LIPC: variants seen among roughly 807,000 people sequenced by gnomAD.
The protein encoded by LIPC is hepatic triacylglycerol lipase.
LIPC carries 44 observed loss-of-function variants against 50.7 expected under a neutral mutation model. The ratio of observed to expected loss-of-function variants is 0.87; its 90% CI spans 0.68 to 1.11. The LOEUF is 1.11. Among genes scored for constraint, LIPC ranks in the 50% most tolerant of loss-of-function variants. LIPC has a pLI of 0.00. For synonymous variants in LIPC, 271 were observed against 256.4 expected (o/e 1.06, Z -0.54); for missense variants, 697 against 648.2 (o/e 1.08, Z -0.82).
chr15:58,458,252 T>G (rs1255558061), intron 1 of LIPC, among the ~76,000 whole-genome samples: 2 of 152,130 alleles, frequency 1.3e-5, no homozygotes. Context: ...CATCAGGAAG[T>G]GCTTCCTAAA....
At chr15:58,441,066 C>G (rs907677197) in intron 1 of LIPC, among the ~76,000 whole-genome samples, 13 of 152,186 alleles carry the variant, frequency 8.5e-5, no homozygotes, top group Non-Finnish European at 1.8e-4. Context: ...CTCAGCCTGG[C>G]TAAAACCCTG....
intron 1 of LIPC, among the ~76,000 whole-genome samples, chr15:58,457,796 C>G (rs1275954353): frequency 6.6e-6 from 1 of 152,160 alleles, no homozygotes; most frequent in Non-Finnish European, 1.5e-5. Context: ...GTAAGGATTT[C>G]CATCTTGTAC....
chr15:58,535,274 G>A (rs1377423121), intron 1 of LIPC, among the ~76,000 whole-genome samples: 2 of 152,214 alleles, frequency 1.3e-5, no homozygotes, highest in African/African-American at 4.8e-5. Flanking sequence ...TGCTGTCTTT[G>A]CCTCCAACTA....
chr15:58,524,118 C>T (rs778998131), intron 1 of LIPC, among the ~76,000 whole-genome samples: 1 of 152,202 alleles, frequency 6.6e-6, no homozygotes, highest in South Asian at 2.1e-4. Context: ...TCATCTGTAT[C>T]GTTCCAACAT....
chr15:58,455,265 G>A (rs904318758), intron 1 of LIPC, among the ~76,000 whole-genome samples: 27 of 152,190 alleles, frequency 1.8e-4, no homozygotes, highest in Admixed American at 4.6e-4. Flanking sequence ...GGCCATAGGT[G>A]TCTGTTAAAA....
chr15:58,479,451 A>G (rs932793394), intron 1 of LIPC, among the ~76,000 whole-genome samples: 2 of 152,230 alleles, frequency 1.3e-5, no homozygotes, highest in African/African-American at 4.8e-5. Context: ...AAAGTCAGGC[A>G]ATTAGCAGTG....
intron 1 of LIPC, among the ~76,000 whole-genome samples, chr15:58,498,394 T>C (rs554281842): frequency 6.6e-6 from 1 of 152,172 alleles, no homozygotes; most frequent in East Asian, 1.9e-4. Flanking sequence ...TTTGAGCCCC[T>C]GCGTTATCAA....
chr15:58,500,471 G>T (rs1328145976), intron 1 of LIPC, among the ~76,000 whole-genome samples: 2 of 152,132 alleles, frequency 1.3e-5, no homozygotes, highest in East Asian at 3.8e-4. Flanking sequence ...CATTTAACCA[G>T]CACAAAACTG....
rs138967170 is a variant in LIPC, at chr15:58,542,628, C to T, written c.551C>T (p.Thr184Met). The T allele has an allele frequency of 1.9e-4, 303 of 1,612,674 alleles. No homozygotes were observed. Among genetic ancestry groups the T allele is most frequent in the East Asian group, 2.9e-4 (13 of 44,846 alleles). Reference protein sequence around the residue: ...SGFAGSSIGGTHKIGRITGLD... With the variant: ...SGFAGSSIGGMHKIGRITGLD... ...TTTGCCGGCAGTTCCATCGGTGGAA[C>T]GCACAAGATTGGGAGAATCACAGGT... Residue 184 changes from threonine (T) to methionine (M), a missense_variant, in exon 4 of 9, where the codon ACG becomes ATG. By Grantham distance (81) the Thr-to-Met change is moderately conservative. Coordinates refer to ENST00000299022, the MANE Select transcript of LIPC (RefSeq NM_000236.3).
chr15:58,443,016 G>A (rs1210548584), intron 1 of LIPC, among the ~76,000 whole-genome samples: 2 of 152,204 alleles, frequency 1.3e-5, no homozygotes, highest in African/African-American at 2.4e-5. Context: ...GGGTTCAAGC[G>A]ATTCTCATGC....
chr15:58,553,228 G>A (rs1274304704), intron 6 of LIPC, among the ~76,000 whole-genome samples: 3 of 152,138 alleles, frequency 2.0e-5, no homozygotes, highest in African/African-American at 7.2e-5. Context: ...ACGCCAGTCA[G>A]CACAACAGTC....
chr15:58,486,645 T>C (rs1389966724), intron 1 of LIPC, among the ~76,000 whole-genome samples: 3 of 151,964 alleles, frequency 2.0e-5, no homozygotes, highest in Admixed American at 1.3e-4. Flanking sequence ...ACCCAGCAAT[T>C]AGAGAGGGGA....
intron 1 of LIPC, among the ~76,000 whole-genome samples, chr15:58,438,729 T>C (rs1264845353): frequency 6.6e-6 from 1 of 152,168 alleles, no homozygotes; most frequent in African/African-American, 2.4e-5. Context: ...CTAAACATGG[T>C]CACAAAGTAG....
At chr15:58,457,619 T>C (rs1337724798) in intron 1 of LIPC, among the ~76,000 whole-genome samples, 1 of 152,242 alleles carries the variant, frequency 6.6e-6, no homozygotes, top group African/African-American at 2.4e-5. Context: ...ATCTTCTCCA[T>C]AAAGCTTTCT....
At chr15:58,502,618 C>T (rs977453277) in intron 1 of LIPC, among the ~76,000 whole-genome samples, 1 of 151,296 alleles carries the variant, frequency 6.6e-6, no homozygotes, top group Middle Eastern at 3.2e-3. Flanking sequence ...CCTCCAAGAA[C>T]ATTATTCCTA....
At chr15:58,508,915 C>G (rs1257557344) in intron 1 of LIPC, among the ~76,000 whole-genome samples, 2 of 152,034 alleles carry the variant, frequency 1.3e-5, no homozygotes. Context: ...GCTTCTCACC[C>G]AGCCTCTCTG....
chr15:58,515,206 T>C (rs1223565908), intron 1 of LIPC, among the ~76,000 whole-genome samples: 1 of 152,192 alleles, frequency 6.6e-6, no homozygotes, highest in Non-Finnish European at 1.5e-5. Context: ...GATCCTTACC[T>C]TAATCACATC....
At chr15:58,472,776 C>A (rs1156560638) in intron 1 of LIPC, among the ~76,000 whole-genome samples, 1 of 152,134 alleles carries the variant, frequency 6.6e-6, no homozygotes, top group Non-Finnish European at 1.5e-5. Flanking sequence ...ATTGTACTCA[C>A]CCACTGTATT....
chr15:58,509,617 T>C (rs1892272180), intron 1 of LIPC, among the ~76,000 whole-genome samples: 1 of 152,164 alleles, frequency 6.6e-6, no homozygotes, highest in Non-Finnish European at 1.5e-5. Context: ...TTTTTTAACA[T>C]ATAATAGCCA....
Sources: allele counts gnomAD v4.1 joint callset (sites outside exome capture counted in the v4.1 genomes callset), GRCh38; gene constraint gnomAD v4.1.1; transcripts MANE v1.5; gene names NCBI Gene and HGNC (gene_info 2026-07-23, HGNC 2026-07-21).